The following MAP4 variants were observed in gnomAD, a reference collection of about 807,000 sequenced individuals.
The protein encoded by MAP4 is microtubule associated protein 4.
Under a neutral mutation model 170.2 loss-of-function variants are expected in MAP4, and 76 were observed. That is an observed-to-expected ratio of 0.45 (90% CI 0.37 to 0.54). The LOEUF (loss-of-function observed/expected upper bound fraction) is 0.54. Ranked by LOEUF, MAP4 falls within the 20% of genes least tolerant of loss-of-function variation. The probability of loss-of-function intolerance (pLI) is 0.00; values close to 1 mark genes in which losing one functional copy is unlikely to be tolerated. For missense variants in MAP4, 2,506 were observed against 2,748.0 expected, an observed-to-expected ratio of 0.91 and a Z score of 1.97; for synonymous variants, 909 against 994.5, an observed-to-expected ratio of 0.91 and a Z score of 1.62.
At chr3:47,923,748 T>C (rs1341962425) in intron 4 of MAP4, among the ~76,000 whole-genome samples, 3 of 151,638 alleles carry the variant, frequency 2.0e-5, no homozygotes, top group African/African-American at 7.3e-5. Context: ...CCTGGGGAGG[T>C]TGAGTCTGTG....
At position 47,936,479 on chromosome 3, in the gene MAP4, G is replaced by A. The variant is rs184107175; in HGVS notation, c.293-8129C>T. 2.0e-3 allele frequency among the ~76,000 whole-genome samples: 303 copies of A among 151,504 alleles called. 3 individuals are homozygous for A. Among genetic ancestry groups the A allele is most frequent in the African/African-American group, 6.8e-3 (279 of 41,318 alleles). On this transcript the variant is annotated intron_variant, in intron 3 of 20. Transcript: ENST00000683076. ...GGGGAGGAGAAAGGAGAGACTTATG[G>A]ATCAGGTATTATTCTAAAACCCTTA...
intron 15 of MAP4, 56 bp from the exon 16 acceptor site, chr3:47,869,383 G>T: frequency 8.3e-7 from 1 of 1,203,778 alleles, no homozygotes; most frequent in Non-Finnish European, 1.2e-6. Flanking sequence ...GAGCTCAAAA[G>T]CCAAGAAGGG....
intron 1 of MAP4, among the ~76,000 whole-genome samples, chr3:48,080,494 T>G (rs1001969690): frequency 1.3e-5 from 2 of 152,200 alleles, no homozygotes; most frequent in Non-Finnish European, 2.9e-5. Flanking sequence ...AAAGGTTGAT[T>G]TGTTAGTCAA....
intron 9 of MAP4, among the ~76,000 whole-genome samples, chr3:47,904,526 G>A (rs2100031804): frequency 6.6e-6 from 1 of 151,868 alleles, no homozygotes; most frequent in Admixed American, 6.6e-5. Flanking sequence ...TGGCCAGGCT[G>A]GTCTCGAACT....
chr3:47,969,607 C>CA (rs2100077341), intron 3 of MAP4, among the ~76,000 whole-genome samples: 1 of 152,258 alleles, frequency 6.6e-6, no homozygotes, highest in Admixed American at 6.5e-5. Flanking sequence ...CTGTTAAGTT[C>CA]ACTATTTATT....
intron 10 of MAP4, among the ~76,000 whole-genome samples, chr3:47,877,963 C>T (rs922877155): frequency 1.3e-5 from 2 of 152,148 alleles, no homozygotes; most frequent in African/African-American, 4.8e-5. Context: ...CCTTCCTTTC[C>T]CTATAAAGAA....
Position 47,870,885 on chromosome 3 carries a change from A to G in MAP4, c.6222T>C (p.Ala2074=), listed in dbSNP as rs749884955. The change falls in exon 15 of 21, where the codon GCT becomes GCC. Residue 2074 remains alanine (A), a synonymous_variant. Coordinates refer to ENST00000683076, the MANE Select transcript of MAP4 (RefSeq NM_001385682.1). ...RLSRLATNTS[A]PDLKNVRSKV... Reference sequence around the variant, plus strand: ...TGGAGCGGACATTCTTCAGATCAGGAGCAGAAGTATTGGTGGCCAGGCGGC... The same window carrying G: ...TGGAGCGGACATTCTTCAGATCAGGGGCAGAAGTATTGGTGGCCAGGCGGC... The G allele has an allele frequency of 6.2e-7, 1 of 1,613,216 alleles. No homozygotes were observed. Among genetic ancestry groups the G allele is most frequent in the Non-Finnish European group, 8.5e-7 (1 of 1,179,558 alleles).
intron 10 of MAP4, among the ~76,000 whole-genome samples, chr3:47,884,779 C>T (rs540911316): frequency 2.6e-5 from 4 of 152,170 alleles, no homozygotes; most frequent in East Asian, 3.9e-4. Context: ...ACACCTACCT[C>T]GGGGGCTTTC....
intron 1 of MAP4, among the ~76,000 whole-genome samples, chr3:48,036,896 T>A (rs1044429513): frequency 6.6e-6 from 1 of 152,130 alleles, no homozygotes; most frequent in Non-Finnish European, 1.5e-5. Flanking sequence ...AAACAAAAGA[T>A]GACTATAAGG....
At chr3:48,086,457 G>A (rs1172663128) in intron 1 of MAP4, among the ~76,000 whole-genome samples, 1 of 152,090 alleles carries the variant, frequency 6.6e-6, no homozygotes, top group Non-Finnish European at 1.5e-5. Flanking sequence ...TGTCCAACGT[G>A]GCGAAACCCC....
intron 17 of MAP4, among the ~76,000 whole-genome samples, chr3:47,863,937 T>TGTGTGTGTGTGTGTGTGG (rs374208589): frequency 2.2e-5 from 3 of 138,356 alleles, no homozygotes; most frequent in African/African-American, 8.2e-5. Flanking sequence ...TGTGTGTGTG[T>TGTGTGTGTGTGTGTGTGG]GGGGAGTGGT....
At position 47,971,029 on chromosome 3, in the gene MAP4, G is replaced by A. The variant is rs189178820; in HGVS notation, c.292+6836C>T. 1.4e-3 allele frequency among the ~76,000 whole-genome samples: 214 copies of A among 152,258 alleles called. 1 individual carries two copies. The highest frequency in any genetic ancestry group is 4.8e-3 in the African/African-American group (201 of 41,546). ...ACTCTAAACGTAAATGTAACATCTT[G>A]TATATGGGTATATGTGGACTTTTCT... On this transcript the variant is annotated intron_variant, in intron 3 of 20. Transcript: ENST00000683076.
At chr3:47,867,000 A>G (rs1353374083) in intron 17 of MAP4, among the ~76,000 whole-genome samples, 1 of 152,180 alleles carries the variant, frequency 6.6e-6, no homozygotes, top group East Asian at 1.9e-4. Flanking sequence ...AAAAATCCAA[A>G]GCCTCCCACC....
intron 1 of MAP4, among the ~76,000 whole-genome samples, chr3:48,051,419 C>T (rs1055068326): frequency 2.0e-5 from 3 of 152,156 alleles, no homozygotes; most frequent in Non-Finnish European, 2.9e-5. Context: ...TAAACACACA[C>T]ACTCAGACCC....
rs1183699148 is a variant in MAP4 at position 47,911,408 on chromosome 3, C to A, written c.3013G>T (p.Glu1005Ter). The change falls in exon 9 of 21, where the codon GAG (glutamate) becomes TAG (stop). Residue 1005 changes from glutamate (E) to a stop codon, truncating the protein, a stop_gained. Transcript: ENST00000683076. LOFTEE classifies it high-confidence loss of function. This position sits in a 1 kb window ranked among gnomAD's most constrained non-coding sequence, Gnocchi z 4.0. ...TCCTCTTCAGCTCCTTCAGGAAACT[C>A]CTTCAGTTTGACATTCTGCAGTTTA... Reference protein sequence around the residue: ...MTKLQNVKLKEFPEGAEEDKE... With the variant: ...MTKLQNVKLK The A allele has an allele frequency of 6.5e-7, 1 of 1,536,138 alleles. No individual in the cohort carries two copies.
At chr3:47,928,487 T>A in intron 3 of MAP4, 137 bp from the exon 4 acceptor site, 5 of 805,970 alleles carry the variant, frequency 6.2e-6, no homozygotes, top group Non-Finnish European at 9.7e-6. Flanking sequence ...GAAAACTTTT[T>A]TCTTTTAATT....
At chr3:47,877,379 T>A in intron 11 of MAP4, 38 bp downstream of exon 11, 3 of 1,477,162 alleles carry the variant, frequency 2.0e-6, no homozygotes, top group Non-Finnish European at 2.8e-6. Flanking sequence ...CGTTTAAAAA[T>A]TATGGCAGTA....
At chr3:48,056,551 G>A (rs1359827158) in intron 1 of MAP4, among the ~76,000 whole-genome samples, 1 of 93,274 alleles carries the variant, frequency 1.1e-5, no homozygotes, top group African/African-American at 6.6e-5. Flanking sequence ...GCCTCTGCCC[G>A]GCCGCCCCTA....
intron 4 of MAP4, among the ~76,000 whole-genome samples, chr3:47,926,332 C>T (rs555382348): frequency 1.6e-4 from 24 of 151,496 alleles, no homozygotes; most frequent in African/African-American, 3.4e-4. Flanking sequence ...TACAGGCGCC[C>T]GCCACCATGC....
Sources: gnomAD v4.1 joint callset for allele counts (sites outside exome capture counted in the v4.1 genomes callset) on GRCh38, gnomAD v4.1.1 for gene constraint, Gnocchi (gnomAD v3.1) non-coding constraint, MANE v1.5 for transcripts, NCBI Gene and HGNC (gene_info 2026-07-23, HGNC 2026-07-21) for gene names.